Variants in GULP1 observed in about 807,000 individuals in gnomAD.
GULP1 encodes GULP PTB domain containing engulfment adaptor 1, also known as PTB domain-containing engulfment adapter protein 1.
Under a neutral mutation model 40.9 loss-of-function variants are expected in GULP1, and 19 were observed. The ratio of observed to expected loss-of-function variants is 0.46; its 90% CI spans 0.32 to 0.68. GULP1 has a LOEUF of 0.68. Among genes scored for constraint, GULP1 ranks in the 30% least tolerant of loss-of-function variants. The pLI is 0.03. For synonymous variants in GULP1, 119 were observed against 117.6 expected (o/e 1.01, Z -0.08); for missense variants, 312 against 362.2 (o/e 0.86, Z 1.12).
intron 2 of GULP1, among the ~76,000 whole-genome samples, chr2:188,429,715 T>TG (rs1468729412): frequency 6.7e-6 from 1 of 149,254 alleles, no homozygotes; most frequent in Non-Finnish European, 1.5e-5. Context: ...TTTTTGTTGT[T>TG]TTTTTTTTTA....
intron 1 of GULP1, among the ~76,000 whole-genome samples, chr2:188,332,996 C>T (rs1213824023): frequency 6.6e-6 from 1 of 152,122 alleles, no homozygotes; most frequent in Non-Finnish European, 1.5e-5. Flanking sequence ...GTAATCCCAG[C>T]AGTTTTGGGA....
chr2:188,360,229 T>A (rs1331500752), intron 1 of GULP1, among the ~76,000 whole-genome samples: 1 of 152,078 alleles, frequency 6.6e-6, no homozygotes, highest in Non-Finnish European at 1.5e-5. Flanking sequence ...AACGAATGCA[T>A]TCTGGACAAA....
Position 188,557,132 on chromosome 2 carries a change from A to C in GULP1, c.400-12107A>C, listed in dbSNP as rs556767447. ...TTGACATGCGATTTGATAGGAACACAGATCCAAAACATATCTTTCTGCCTC... is the reference window on the plus strand; with the variant it reads ...TTGACATGCGATTTGATAGGAACACCGATCCAAAACATATCTTTCTGCCTC... On this transcript the variant is annotated intron_variant, in intron 7 of 11. Coordinates refer to ENST00000409830, the MANE Select transcript of GULP1 (RefSeq NM_016315.4). 3.3e-5 allele frequency among the ~76,000 whole-genome samples: 5 copies of C among 152,278 alleles called. No homozygotes were observed. In the South Asian group the frequency reaches 1.0e-3, roughly 32 times the overall value.
intron 1 of GULP1, among the ~76,000 whole-genome samples, chr2:188,307,799 A>C (rs1341075722): frequency 6.6e-6 from 1 of 152,224 alleles, no homozygotes; most frequent in Admixed American, 6.5e-5. Flanking sequence ...ATTTACTGAT[A>C]TGGGAGCAGG....
intron 2 of GULP1, among the ~76,000 whole-genome samples, chr2:188,447,516 T>C (rs1348375039): frequency 6.6e-6 from 1 of 152,176 alleles, no homozygotes; most frequent in African/African-American, 2.4e-5. Context: ...CCTGGTATAG[T>C]GGAATGTTCA....
chr2:188,377,902 A>G (rs1010431654), intron 1 of GULP1, among the ~76,000 whole-genome samples: 1 of 152,180 alleles, frequency 6.6e-6, no homozygotes, highest in Admixed American at 6.5e-5. Context: ...TGAGGTTTGC[A>G]TACTTTTTCA....
chr2:188,524,927 G>A (rs1390229212), intron 5 of GULP1, among the ~76,000 whole-genome samples: 1 of 151,548 alleles, frequency 6.6e-6, no homozygotes, highest in African/African-American at 2.4e-5. Flanking sequence ...CAATATTAAT[G>A]TAATGGCTTC....
At chr2:188,385,013 G>A (rs1370810157) in intron 2 of GULP1, among the ~76,000 whole-genome samples, 1 of 152,112 alleles carries the variant, frequency 6.6e-6, no homozygotes, top group Non-Finnish European at 1.5e-5. Context: ...GTTGTTGGTG[G>A]ATCTACCATT....
chr2:188,498,679 A>G (rs1012715005), intron 4 of GULP1, among the ~76,000 whole-genome samples: 6 of 151,890 alleles, frequency 4.0e-5, no homozygotes, highest in African/African-American at 1.4e-4. Context: ...TAGGATGACT[A>G]TAAATAAAAA....
At chr2:188,472,866 C>G (rs2060702144) in intron 2 of GULP1, among the ~76,000 whole-genome samples, 1 of 152,158 alleles carries the variant, frequency 6.6e-6, no homozygotes, top group African/African-American at 2.4e-5. Context: ...TGTGTCTGGG[C>G]ATTGAAGAGT....
At chr2:188,316,476 A>G (rs762442029) in intron 1 of GULP1, among the ~76,000 whole-genome samples, 1 of 152,132 alleles carries the variant, frequency 6.6e-6, no homozygotes, top group Non-Finnish European at 1.5e-5. Flanking sequence ...TCCATTTCAT[A>G]TAAAGGAAGA....
intron 1 of GULP1, among the ~76,000 whole-genome samples, chr2:188,383,354 C>G (rs570781318): frequency 6.6e-6 from 1 of 152,210 alleles, no homozygotes; most frequent in Non-Finnish European, 1.5e-5. Context: ...TAAATCAGTG[C>G]CTTCTAAAAT....
chr2:188,411,882 T>C (rs1441214019), intron 2 of GULP1, among the ~76,000 whole-genome samples: 1 of 152,202 alleles, frequency 6.6e-6, no homozygotes, highest in Non-Finnish European at 1.5e-5. Flanking sequence ...AAAGGGGCTC[T>C]AGTGCTGCAG....
At chr2:188,377,169 C>T (rs1365134511) in intron 1 of GULP1, among the ~76,000 whole-genome samples, 1 of 146,984 alleles carries the variant, frequency 6.8e-6, no homozygotes, top group Non-Finnish European at 1.5e-5. Flanking sequence ...GAGACTCCAT[C>T]TCAAAAAAAA....
At chr2:188,515,692 CACTT>C (rs933903665) in intron 4 of GULP1, among the ~76,000 whole-genome samples, 41 of 146,552 alleles carry the variant, frequency 2.8e-4, no homozygotes, top group African/African-American at 1.0e-3. Flanking sequence ...TACACATACA[CACTT>C]ACACACACAG....
chr2:188,306,194 A>G (rs2037059741), intron 1 of GULP1, among the ~76,000 whole-genome samples: 1 of 152,192 alleles, frequency 6.6e-6, no homozygotes, highest in Non-Finnish European at 1.5e-5. Flanking sequence ...TTCAACATGT[A>G]CTTTTCACTT....
intron 2 of GULP1, among the ~76,000 whole-genome samples, chr2:188,446,541 C>G (rs1347582747): frequency 3.3e-5 from 5 of 151,990 alleles, no homozygotes; most frequent in Non-Finnish European, 7.4e-5. Flanking sequence ...TTCAACTTTG[C>G]TTTTTGGGTT....
intron 4 of GULP1, among the ~76,000 whole-genome samples, chr2:188,502,659 T>C (rs2063540518): frequency 6.6e-6 from 1 of 151,946 alleles, no homozygotes. Context: ...TTAGAAATCA[T>C]CTCCTTCTTT....
At chr2:188,511,121 A>G (rs1382155986) in intron 4 of GULP1, among the ~76,000 whole-genome samples, 2 of 152,192 alleles carry the variant, frequency 1.3e-5, no homozygotes, top group African/African-American at 2.4e-5. Context: ...TATGAAAGGC[A>G]GAGTGAAACA....
Sources: gnomAD v4.1 joint callset for allele counts (sites outside exome capture counted in the v4.1 genomes callset) on GRCh38, gnomAD v4.1.1 for gene constraint, MANE v1.5 for transcripts, NCBI Gene and HGNC (gene_info 2026-07-23, HGNC 2026-07-21) for gene names.